The following ODF2L variants were observed in gnomAD, a reference collection of about 807,000 sequenced individuals.
ODF2L encodes the protein outer dense fiber of sperm tails 2 like.
A neutral mutation model predicts 86.3 loss-of-function variants in ODF2L; 76 were observed. The ratio of observed to expected loss-of-function variants is 0.88; its 90% CI spans 0.73 to 1.07. ODF2L has a LOEUF of 1.07. Ranked by LOEUF, ODF2L falls within the 50% of genes least tolerant of loss-of-function variation. The pLI is 0.00. For missense variants in ODF2L, 748 were observed against 717.4 expected (o/e 1.04, Z -0.49); for synonymous variants, 241 against 231.3 (o/e 1.04, Z -0.38).
intron 1 of ODF2L, among the ~76,000 whole-genome samples, chr1:86,393,659 A>T (rs913067977): frequency 6.6e-6 from 1 of 152,232 alleles, no homozygotes; most frequent in Non-Finnish European, 1.5e-5. Flanking sequence ...TTTCCTTCTC[A>T]AAGTGTTGCC....
chr1:86,374,025 C>T (rs181174603), intron 8 of ODF2L, among the ~76,000 whole-genome samples: 60 of 152,280 alleles, frequency 3.9e-4, no homozygotes, highest in Non-Finnish European at 6.9e-4. Context: ...GCTCTACATT[C>T]TACATAAAAA....
intron 8 of ODF2L, among the ~76,000 whole-genome samples, chr1:86,375,798 A>G (rs1247369737): frequency 1.3e-5 from 2 of 152,200 alleles, no homozygotes; most frequent in Admixed American, 1.3e-4. Flanking sequence ...TTTGTGCATA[A>G]AAGACTAGCT....
At chr1:86,378,779 C>T (rs1660357713) in intron 7 of ODF2L, among the ~76,000 whole-genome samples, 1 of 152,064 alleles carries the variant, frequency 6.6e-6, no homozygotes, top group Admixed American at 6.5e-5. Flanking sequence ...CCCACCAGGT[C>T]TCTCCCTAGA....
At chr1:86,388,680 A>G (rs1015116990) in intron 1 of ODF2L, among the ~76,000 whole-genome samples, 1 of 152,082 alleles carries the variant, frequency 6.6e-6, no homozygotes, top group African/African-American at 2.4e-5. Context: ...GAAGATAGAA[A>G]TTTTCAATTT....
intron 7 of ODF2L, among the ~76,000 whole-genome samples, chr1:86,381,433 AACAC>A (rs150970713): frequency 6.6e-6 from 1 of 151,204 alleles, no homozygotes; most frequent in African/African-American, 2.4e-5. Context: ...CCTTTAAAGG[AACAC>A]ACACACACAC....
At chr1:86,382,043 A>C in intron 7 of ODF2L, 199 bp downstream of exon 7, 1 of 585,920 alleles carries the variant, frequency 1.7e-6, no homozygotes. Flanking sequence ...TATTAAACAG[A>C]GACAGCATTT....
At chr1:86,390,731 G>A (rs1661266560) in intron 1 of ODF2L, among the ~76,000 whole-genome samples, 1 of 152,064 alleles carries the variant, frequency 6.6e-6, no homozygotes, top group Admixed American at 6.5e-5. Context: ...ACATAATACT[G>A]AATGGGGAAA....
At chr1:86,383,098 G>T in intron 5 of ODF2L, 36 bp downstream of exon 5, 1 of 1,398,158 alleles carries the variant, frequency 7.2e-7, no homozygotes, top group Non-Finnish European at 1.0e-6. Context: ...ACAATGACAG[G>T]AAGAATGGAC....
At chr1:86,369,227 G>C (rs1460185317) in intron 10 of ODF2L, among the ~76,000 whole-genome samples, 1 of 151,982 alleles carries the variant, frequency 6.6e-6, no homozygotes, top group Non-Finnish European at 1.5e-5. Context: ...AAAATTTCTT[G>C]AAGGAAAAAA....
intron 8 of ODF2L, among the ~76,000 whole-genome samples, chr1:86,374,276 T>G (rs1199009547): frequency 6.6e-6 from 1 of 152,154 alleles, no homozygotes; most frequent in Non-Finnish European, 1.5e-5. Flanking sequence ...TTAATATAAA[T>G]TATGAAGTAT....
At chr1:86,392,441 A>G (rs181170355) in intron 1 of ODF2L, among the ~76,000 whole-genome samples, 523 of 148,848 alleles carry the variant, frequency 3.5e-3, no homozygotes, top group Non-Finnish European at 6.6e-3. Flanking sequence ...TGTGATATAC[A>G]TATATATATA....
intron 13 of ODF2L, among the ~76,000 whole-genome samples, chr1:86,357,174 T>C (rs1158341211): frequency 6.6e-6 from 1 of 152,190 alleles, no homozygotes; most frequent in Non-Finnish European, 1.5e-5. Context: ...CATTAATCTG[T>C]TTTGGCTACT....
At chr1:86,348,994 AAAAT>A (rs1657949630), downstream of ODF2L, 2 of 1,112,662 alleles carry the variant, frequency 1.8e-6, no homozygotes, top group African/African-American at 3.3e-5. Flanking sequence ...TTGATTTTTT[AAAAT>A]AATACTCACA....
chr1:86,352,192 C>T, exon 18 of ODF2L: 1 of 1,519,142 alleles, frequency 6.6e-7, no homozygotes, highest in East Asian at 2.5e-5. Context: ...AAATAGATTT[C>T]ATGGAGTCTC....
intron 13 of ODF2L, among the ~76,000 whole-genome samples, chr1:86,356,970 G>A (rs1658619073): frequency 6.6e-6 from 1 of 152,092 alleles, no homozygotes; most frequent in Non-Finnish European, 1.5e-5. Flanking sequence ...GGTTCTAAAG[G>A]AATTGTCACT....
At chr1:86,353,048 C>T (rs1321390714) in intron 16 of ODF2L, 64 bp from the exon 16 acceptor site, 2 of 1,036,012 alleles carry the variant, frequency 1.9e-6, no homozygotes, top group South Asian at 1.4e-5. Context: ...AAAGCCTTGA[C>T]AGTTATATTG....
downstream of ODF2L, chr1:86,349,874 G>A (rs1464626819): frequency 6.6e-6 from 1 of 152,468 alleles, no homozygotes; most frequent in Non-Finnish European, 1.5e-5. Context: ...GGTAAGCAGG[G>A]CACTGTGGGA....
intron 11 of ODF2L, among the ~76,000 whole-genome samples, chr1:86,365,647 G>T (rs1659352242): frequency 6.6e-6 from 1 of 152,190 alleles, no homozygotes; most frequent in Non-Finnish European, 1.5e-5. Context: ...AAGAATGTTT[G>T]TAAGTCAACT....
At chr1:86,360,584 C>T (rs1558016047) in intron 11 of ODF2L, 48 bp from the exon 11 acceptor site, 3 of 756,208 alleles carry the variant, frequency 4.0e-6, no homozygotes, top group Non-Finnish European at 6.7e-6. Context: ...TACATTTATA[C>T]TCCAGTGCTA....
Sources: gnomAD v4.1 joint callset for allele counts (sites outside exome capture counted in the v4.1 genomes callset) on GRCh38, gnomAD v4.1.1 for gene constraint, MANE v1.5 for transcripts, NCBI Gene and HGNC (gene_info 2026-07-23, HGNC 2026-07-21) for gene names.